COL6A6: variants seen among roughly 807,000 people sequenced by gnomAD.
COL6A6 encodes collagen alpha-6(VI) chain.
COL6A6 carries 183 observed loss-of-function variants against 208.6 expected under a neutral mutation model. The observed-to-expected ratio is 0.88, with a 90% CI of 0.78 to 0.99. The LOEUF is 0.99. Among genes scored for constraint, COL6A6 ranks in the 50% least tolerant of loss-of-function variants. The pLI, the probability that COL6A6 is intolerant of heterozygous loss-of-function variation, is 0.00. For synonymous variants in COL6A6, 973 were observed against 1,011.8 expected (o/e 0.96, Z 0.73); for missense variants, 2,816 against 2,815.2 (o/e 1.00, Z -0.01).
At position 130,622,286 on chromosome 3, in the gene COL6A6, G is replaced by C. The variant is rs545266241; in HGVS notation, c.4878+403G>C. On this transcript the variant is annotated intron_variant, in intron 24 of 36. Transcript: ENST00000358511. Reference sequence around the variant, plus strand: ...TTAAGACCAAGGCACTGTACTGAGCGTTCGGTTGGGCTGAAGAATCAGCTC... The same window carrying C: ...TTAAGACCAAGGCACTGTACTGAGCCTTCGGTTGGGCTGAAGAATCAGCTC... Among the ~76,000 whole-genome samples, 51 of 144,204 alleles carry C rather than the reference G, an allele frequency of 3.5e-4. 2 individuals carry two copies. 94.6% of individuals were successfully genotyped at this position (144,204 alleles called of 152,430 possible).
At chr3:130,593,157 A>G in intron 16 of COL6A6, 42 bp from the exon 17 acceptor site, 1 of 1,611,880 alleles carries the variant, frequency 6.2e-7, no homozygotes, top group Non-Finnish European at 8.5e-7. Flanking sequence ...ACCATTATGA[A>G]AACGAGAATT....
intron 1 of COL6A6, among the ~76,000 whole-genome samples, chr3:130,542,860 T>C (rs544718628): frequency 1.3e-5 from 2 of 152,146 alleles, no homozygotes; most frequent in East Asian, 3.9e-4. Context: ...TTATTTTGCT[T>C]AGTGTTAACA....
At position 130,563,366 on chromosome 3, in the gene COL6A6, A is replaced by G; in HGVS notation, c.363A>G (p.Ala121=). The change falls in exon 3 of 37, where the codon GCA becomes GCG. Residue 121 remains alanine, a synonymous_variant. Coordinates refer to ENST00000358511, the MANE Select transcript of COL6A6 (RefSeq NM_001102608.3). The part of the protein sequence containing the change: ...LQEAHRTYFS[A]PANGRDKKQF... ...AGGCTCACAGGACTTATTTCTCTGC[A>G]CCCGCAAATGGGAGAGACAAGAAAC... The G allele has an allele frequency of 6.2e-7, 1 of 1,613,988 alleles. No individual in the cohort carries two copies.
chr3:130,558,216 AT>A (rs2062808425), intron 1 of COL6A6, among the ~76,000 whole-genome samples: 1 of 152,314 alleles, frequency 6.6e-6, no homozygotes, highest in Non-Finnish European at 1.5e-5. Flanking sequence ...CAACATACAG[AT>A]TGCAGGCACT....
At chr3:130,621,751 TA>T in intron 23 of COL6A6, 69 bp from the exon 24 acceptor site, 1 of 1,342,420 alleles carries the variant, frequency 7.4e-7, no homozygotes, top group Non-Finnish European at 1.1e-6. Flanking sequence ...TTTCCTCTTA[TA>T]AGACAGAGGG....
At chr3:130,635,425 T>C (rs761874032) in intron 27 of COL6A6, among the ~76,000 whole-genome samples, 2 of 152,180 alleles carry the variant, frequency 1.3e-5, no homozygotes, top group Non-Finnish European at 2.9e-5. Flanking sequence ...CCAGGTCCTA[T>C]GATAGAGTCA....
chr3:130,592,171 A>T (rs951950810), intron 13 of COL6A6, among the ~76,000 whole-genome samples: 1 of 125,768 alleles, frequency 8.0e-6, no homozygotes, highest in East Asian at 2.3e-4. Context: ...TGCTCAAGCA[A>T]CATTACAGAT....
chr3:130,541,631 G>A (rs943359683), intron 1 of COL6A6, among the ~76,000 whole-genome samples: 1 of 152,076 alleles, frequency 6.6e-6, no homozygotes, highest in African/African-American at 2.4e-5. Context: ...TCAGTGTTCT[G>A]GGCTTTGGCC....
At chr3:130,552,939 G>A (rs1208816160) in intron 1 of COL6A6, among the ~76,000 whole-genome samples, 1 of 152,180 alleles carries the variant, frequency 6.6e-6, no homozygotes, top group African/African-American at 2.4e-5. Flanking sequence ...TTCTTGGTTG[G>A]AAATTCTTTA....
At chr3:130,546,723 G>T (rs960659565) in intron 1 of COL6A6, among the ~76,000 whole-genome samples, 1 of 152,090 alleles carries the variant, frequency 6.6e-6, no homozygotes, top group Admixed American at 6.5e-5. Flanking sequence ...ACAGAGCACC[G>T]ACTGGTGCGT....
intron 1 of COL6A6, among the ~76,000 whole-genome samples, chr3:130,553,592 C>T (rs1363975569): frequency 6.6e-6 from 1 of 151,594 alleles, no homozygotes; most frequent in East Asian, 1.9e-4. Flanking sequence ...GATTTTGACT[C>T]TCTCTCTGAA....
intron 5 of COL6A6, 59 bp downstream of exon 5, chr3:130,567,321 T>C (rs1437493802): frequency 3.9e-6 from 5 of 1,272,252 alleles, no homozygotes. Context: ...ATCCTGGCAA[T>C]AATTGACATT....
intron 28 of COL6A6, among the ~76,000 whole-genome samples, chr3:130,637,847 C>T (rs1013521921): frequency 2.6e-5 from 4 of 151,954 alleles, no homozygotes; most frequent in East Asian, 1.9e-4. Flanking sequence ...TTTAAAAGCA[C>T]GCACATAGTT....
intron 23 of COL6A6, 130 bp downstream of exon 23, chr3:130,610,841 C>A: frequency 1.5e-6 from 1 of 659,332 alleles, no homozygotes; most frequent in South Asian, 2.1e-5. Context: ...CACTTCAGCT[C>A]AATGTGGTGG....
At chr3:130,588,589 A>C (rs1215133177) in intron 11 of COL6A6, among the ~76,000 whole-genome samples, 1 of 152,202 alleles carries the variant, frequency 6.6e-6, no homozygotes, top group African/African-American at 2.4e-5. Flanking sequence ...TTGCTTTGGA[A>C]GAGTTAACCA....
intron 5 of COL6A6, 127 bp downstream of exon 5, chr3:130,567,389 G>A (rs562675372): frequency 1.1e-5 from 8 of 732,812 alleles, no homozygotes; most frequent in African/African-American, 3.6e-5. Flanking sequence ...TTGTGTAACT[G>A]TGTTCTCTAG....
chr3:130,619,528 T>G lies in COL6A6; in HGVS notation c.4816-2293T>G, dbSNP rs184664402. ...TTGCATATTAAGAAGACCTTAAACT[T>G]TATTCTGAAAGATATTCAGAATTTC... On this transcript the variant is annotated intron_variant, in intron 23 of 36. Transcript: ENST00000358511. Among the ~76,000 whole-genome samples, 177 of 152,352 alleles carry G rather than the reference T, an allele frequency of 1.2e-3. No homozygotes were observed. In the South Asian group the frequency reaches 0.012, roughly 10 times the overall value.
chr3:130,658,917 T>A, intron 34 of COL6A6, 145 bp downstream of exon 34: 1 of 618,552 alleles, frequency 1.6e-6, no homozygotes, highest in Non-Finnish European at 2.9e-6. Context: ...CCTGTCACAC[T>A]TCATCTTCCA....
At chr3:130,642,713 C>A in intron 29 of COL6A6, 119 bp from the exon 30 acceptor site, 5 of 841,036 alleles carry the variant, frequency 5.9e-6, no homozygotes, top group Admixed American at 2.8e-5. Flanking sequence ...TTGCCTCTTA[C>A]AATTTAATGA....
Sources: allele counts gnomAD v4.1 joint callset (sites outside exome capture counted in the v4.1 genomes callset), GRCh38; gene constraint gnomAD v4.1.1; transcripts MANE v1.5; gene names NCBI Gene and HGNC (gene_info 2026-07-23, HGNC 2026-07-21).